CATSPERE: variants seen among roughly 807,000 people sequenced by gnomAD.
CATSPERE encodes the protein cation channel sperm-associated auxiliary subunit epsilon.
Under a neutral mutation model 114.1 loss-of-function variants are expected in CATSPERE, and 93 were observed. The ratio of observed to expected loss-of-function variants is 0.81; its 90% CI spans 0.69 to 0.97. The LOEUF (loss-of-function observed/expected upper bound fraction) is 0.97. Ranked by LOEUF, CATSPERE falls within the 50% of genes least tolerant of loss-of-function variation. The pLI, the probability that CATSPERE is intolerant of heterozygous loss-of-function variation, is 0.00. For missense variants in CATSPERE, 1,058 were observed against 1,131.6 expected, an observed-to-expected ratio of 0.93 and a Z score of 0.93; for synonymous variants, 341 against 384.1, an observed-to-expected ratio of 0.89 and a Z score of 1.31.
intron 8 of CATSPERE, among the ~76,000 whole-genome samples, chr1:244,544,158 C>A (rs1255548516): frequency 1.3e-5 from 2 of 152,182 alleles, no homozygotes; most frequent in Non-Finnish European, 2.9e-5. Flanking sequence ...GCTGCATCCT[C>A]TTCAGGAAGG....
chr1:244,557,577 AT>A, intron 9 of CATSPERE, among the ~76,000 whole-genome samples: 1 of 95,524 alleles, frequency 1.0e-5, no homozygotes, highest in South Asian at 3.1e-4. Flanking sequence ...ATATATATAT[AT>A]ATATAAAATC....
chr1:244,534,584 G>A (rs527344210), intron 8 of CATSPERE, among the ~76,000 whole-genome samples: 1 of 151,546 alleles, frequency 6.6e-6, no homozygotes, highest in South Asian at 2.1e-4. Flanking sequence ...TATGTCGATT[G>A]CATTTTTCAA....
chr1:244,591,710 AT>A lies in CATSPERE; in HGVS notation c.2173del (p.Ser725HisfsTer3). 1 of 1,519,200 alleles carries A rather than the reference AT, an allele frequency of 6.6e-7. No homozygotes were observed. The allele number at this position is 1,519,200 out of a possible 1,614,324, so 94.1% of individuals were successfully genotyped here. A position where few individuals can be genotyped will look rare whatever the true frequency, so the allele number is the denominator to read the frequency against. On this transcript the variant is annotated frameshift_variant, in exon 15 of 22. Coordinates refer to ENST00000366534, the MANE Select transcript of CATSPERE (RefSeq NM_001130957.2). LOFTEE classifies it high-confidence loss of function. ...AGTAAAAAAGGATGTCATCACCATG[AT>A]TTTTCATACGTGATTGAAAAGTAAG... Reference protein sequence around the residue: ...GFSKKGCHHHDFSYVIEKSYL... With the variant: ...GFSKKGCHHHXFSYVIEKSYL...
upstream of CATSPERE, chr1:244,451,594 C>T (rs751352532): frequency 6.4e-7 from 1 of 1,566,354 alleles, no homozygotes; most frequent in Non-Finnish European, 8.6e-7. This position sits in a 1 kb window ranked among gnomAD's most constrained non-coding sequence, Gnocchi z 6.6. Context: ...GCAGCCCGAG[C>T]TCCCGGGCCC....
intron 6 of CATSPERE, among the ~76,000 whole-genome samples, chr1:244,491,124 C>T (rs1394633276): frequency 6.6e-6 from 1 of 152,094 alleles, no homozygotes; most frequent in Non-Finnish European, 1.5e-5. Flanking sequence ...CTCTCCACCA[C>T]AAATCAACAG....
intron 9 of CATSPERE, 92 bp downstream of exon 9, chr1:244,552,906 C>CTA (rs1660880103): frequency 1.6e-6 from 1 of 635,990 alleles, no homozygotes; most frequent in Non-Finnish European, 2.1e-6. Context: ...CAGAGACTTA[C>CTA]TATGCAGCTC....
chr1:244,608,465 G>C (rs146336355), intron 18 of CATSPERE, among the ~76,000 whole-genome samples: 2 of 151,418 alleles, frequency 1.3e-5, no homozygotes, highest in Admixed American at 1.3e-4. Flanking sequence ...GAGCCCAGGA[G>C]GTCAAGGCTG....
At chr1:244,526,782 T>C (rs903521820) in intron 8 of CATSPERE, among the ~76,000 whole-genome samples, 2 of 152,052 alleles carry the variant, frequency 1.3e-5, no homozygotes, top group Non-Finnish European at 2.9e-5. Context: ...ACATAGGTTC[T>C]TTTCTATTTT....
In CATSPERE at chr1:244,640,227, C is replaced by A; in HGVS notation, c.*146C>A. On this transcript the variant is annotated 3_prime_UTR_variant, in exon 22 of 22. Coordinates refer to ENST00000366534, the MANE Select transcript of CATSPERE (RefSeq NM_001130957.2). ...CCAAATTCAAGATCTGAAAAATATT[C>A]TTGAACTATCTCCAAAATAGAAATG... 1 of 569,604 alleles carries A rather than the reference C, an allele frequency of 1.8e-6. No individual in the cohort carries two copies. 35.3% of individuals were successfully genotyped at this position (569,604 alleles called of 1,614,324 possible).
At chr1:244,490,066 C>A (rs1558355517) in intron 5 of CATSPERE, among the ~76,000 whole-genome samples, 1 of 152,134 alleles carries the variant, frequency 6.6e-6, no homozygotes, top group Non-Finnish European at 1.5e-5. Context: ...AAGGAGGGTA[C>A]TTCAAGAAGC....
At chr1:244,501,629 G>T (rs1389697408) in intron 7 of CATSPERE, among the ~76,000 whole-genome samples, 1 of 152,008 alleles carries the variant, frequency 6.6e-6, no homozygotes, top group Non-Finnish European at 1.5e-5. Context: ...ATAAATTAAT[G>T]GTAATTAAAC....
intron 18 of CATSPERE, among the ~76,000 whole-genome samples, chr1:244,609,364 T>C (rs1278971614): frequency 6.6e-6 from 1 of 151,986 alleles, no homozygotes; most frequent in Non-Finnish European, 1.5e-5. Context: ...CTTCCTTTTT[T>C]TTTTTTTAGA....
At chr1:244,511,918 A>G (rs1485038505) in intron 7 of CATSPERE, among the ~76,000 whole-genome samples, 2 of 152,218 alleles carry the variant, frequency 1.3e-5, no homozygotes, top group African/African-American at 4.8e-5. Context: ...AATATGAGGA[A>G]GATTCCCTTA....
chr1:244,461,450 C>T lies in CATSPERE; in HGVS notation c.21C>T (p.Ala7=), dbSNP rs754737148. 3 of 1,383,496 alleles carry T rather than the reference C, an allele frequency of 2.2e-6. No homozygotes were observed. The highest frequency in any genetic ancestry group is 1.8e-5 in the South Asian group (1 of 55,408). 85.7% of individuals were successfully genotyped at this position (1,383,496 alleles called of 1,614,324 possible). A position where few individuals can be genotyped will look rare whatever the true frequency, so the allele number is the denominator to read the frequency against. The change falls in exon 1 of 22, where the codon GCC becomes GCT. Residue 7 remains alanine (A), a synonymous_variant. Coordinates refer to ENST00000366534, the MANE Select transcript of CATSPERE (RefSeq NM_001130957.2). MSAREV[A]VLLLWLSCYG... is the part of the protein sequence containing the mutation. The stretch of plus-strand genomic sequence containing the variant: ...GCGCCATGTCAGCCCGGGAAGTGGC[C>T]GTGCTGCTGCTGTGGCTGAGCTGCT...
chr1:244,532,204 TTCTC>T (rs1222999000), intron 8 of CATSPERE, among the ~76,000 whole-genome samples: 6 of 152,094 alleles, frequency 3.9e-5, no homozygotes, highest in African/African-American at 1.4e-4. Context: ...TATTTGAGTC[TTCTC>T]TCTTTTTTTC....
intron 20 of CATSPERE, among the ~76,000 whole-genome samples, chr1:244,621,307 ATATATAAAATATAT>A (rs1429232455): frequency 7.6e-5 from 4 of 52,326 alleles, no homozygotes; most frequent in African/African-American, 3.3e-4. Flanking sequence ...AAATATATAA[ATATATAAAATATAT>A]ATATATATAT....
At chr1:244,580,123 G>A (rs1371390748) in intron 11 of CATSPERE, among the ~76,000 whole-genome samples, 1 of 151,692 alleles carries the variant, frequency 6.6e-6, no homozygotes, top group Non-Finnish European at 1.5e-5. Flanking sequence ...CGCAACCTCT[G>A]CTCCCTGGGT....
intron 5 of CATSPERE, among the ~76,000 whole-genome samples, chr1:244,483,038 C>T (rs554188755): frequency 6.6e-6 from 1 of 152,148 alleles, no homozygotes; most frequent in Non-Finnish European, 1.5e-5. Flanking sequence ...TGTGACTGCT[C>T]TATGGTATTT....
At chr1:244,567,081 A>G (rs1663689933) in intron 10 of CATSPERE, among the ~76,000 whole-genome samples, 1 of 152,028 alleles carries the variant, frequency 6.6e-6, no homozygotes, top group African/African-American at 2.4e-5. Flanking sequence ...TCTGTAAAGG[A>G]TTTTATTTCT....
Sources: allele counts gnomAD v4.1 joint callset (sites outside exome capture counted in the v4.1 genomes callset), GRCh38; gene constraint gnomAD v4.1.1; non-coding constraint Gnocchi (gnomAD v3.1); transcripts MANE v1.5; gene names NCBI Gene and HGNC (gene_info 2026-07-23, HGNC 2026-07-21).